PRKCA: variants seen among roughly 807,000 people sequenced by gnomAD.
PRKCA encodes protein kinase C alpha type.
Under a neutral mutation model 87.0 loss-of-function variants are expected in PRKCA, and 27 were observed. The observed-to-expected ratio is 0.31, with a 90% CI of 0.23 to 0.43. The LOEUF is 0.43. PRKCA is among the 20% of genes least tolerant of loss of function. The pLI is 1.00. For synonymous variants in PRKCA, 329 were observed against 311.1 expected, an observed-to-expected ratio of 1.06 and a Z score of -0.61; for missense variants, 518 against 852.3, an observed-to-expected ratio of 0.61 and a Z score of 4.88.
intron 2 of PRKCA, among the ~76,000 whole-genome samples, chr17:66,393,872 G>C (rs1486314703): frequency 1.3e-5 from 2 of 152,126 alleles, no homozygotes; most frequent in Non-Finnish European, 2.9e-5. Context: ...TCAGGAGTTT[G>C]AGACCAGCCT....
intron 5 of PRKCA, chr17:66,676,573 T>G (rs73997135): frequency 6.6e-6 from 1 of 152,270 alleles, no homozygotes; most frequent in Non-Finnish European, 1.5e-5. Context: ...GTGGATGTCC[T>G]ACGGTGCTCA....
intron 2 of PRKCA, among the ~76,000 whole-genome samples, chr17:66,331,357 A>G (rs1031729950): frequency 1.5e-4 from 23 of 152,106 alleles, no homozygotes; most frequent in African/African-American, 5.6e-4. Flanking sequence ...TGTGGCTACT[A>G]TGCTCTCCCA....
At chr17:66,414,519 C>A (rs960353364) in intron 2 of PRKCA, among the ~76,000 whole-genome samples, 3 of 152,156 alleles carry the variant, frequency 2.0e-5, no homozygotes, top group Non-Finnish European at 4.4e-5. Context: ...TTCCTTATAG[C>A]AATGAGAGAA....
chr17:66,767,268 C>T (rs1974832038), intron 13 of PRKCA, among the ~76,000 whole-genome samples: 1 of 152,144 alleles, frequency 6.6e-6, no homozygotes, highest in Non-Finnish European at 1.5e-5. Flanking sequence ...TTTTCTCCCT[C>T]ATCAGCATTA....
chr17:66,570,334 C>G (rs1189727317), intron 3 of PRKCA, among the ~76,000 whole-genome samples: 1 of 152,186 alleles, frequency 6.6e-6, no homozygotes, highest in Non-Finnish European at 1.5e-5. Flanking sequence ...ATCCATCAGG[C>G]TGCATATTAT....
rs185160254 is a variant in PRKCA at position 66,425,141 on chromosome 17, C to T, written c.206-71060C>T. On this transcript the variant is annotated intron_variant, in intron 2 of 16. Transcript: ENST00000413366. ...TTCAAGAAATAGTCGTTGGTCCTGT[C>T]GCTCCCAGAAGCTGCACAATTTTTG... 2.5e-4 allele frequency among the ~76,000 whole-genome samples: 38 copies of T among 152,278 alleles called. No individual in the cohort carries two copies. In the East Asian group the frequency reaches 4.8e-3, roughly 19 times the overall value.
At chr17:66,752,361 G>A (rs746005825) in intron 13 of PRKCA, among the ~76,000 whole-genome samples, 14 of 152,300 alleles carry the variant, frequency 9.2e-5, no homozygotes, top group South Asian at 4.1e-4. Context: ...TTGGGAGGCC[G>A]GGGTGGGAGG....
At chr17:66,303,165 GAC>G (rs1904607676) in intron 1 of PRKCA, 141 bp downstream of exon 1, 2 of 1,175,688 alleles carry the variant, frequency 1.7e-6, no homozygotes, top group Admixed American at 6.1e-5. Context: ...CGCCCGGAGT[GAC>G]ACGCGCGCCC....
intron 2 of PRKCA, among the ~76,000 whole-genome samples, chr17:66,419,378 T>C (rs1395141974): frequency 3.3e-5 from 5 of 152,230 alleles, no homozygotes; most frequent in African/African-American, 9.6e-5. Flanking sequence ...TCATTTAATA[T>C]AACATGTGTC....
chr17:66,418,264 T>A lies in PRKCA; in HGVS notation c.206-77937T>A, dbSNP rs148643623. Among the ~76,000 whole-genome samples, 349 of 152,308 alleles carry A rather than the reference T, an allele frequency of 2.3e-3. 1 individual carries two copies. Among genetic ancestry groups the A allele is most frequent in the Middle Eastern group, 0.01 (3 of 294 alleles). On this transcript the variant is annotated intron_variant, in intron 2 of 16. Transcript: ENST00000413366. ...CGTATGTGTATAGTAAATGTATATA[T>A]GCATATATTTTATATTGACATTCTG...
chr17:66,737,371 A>G (rs2144219992), intron 10 of PRKCA, among the ~76,000 whole-genome samples: 1 of 152,316 alleles, frequency 6.6e-6, no homozygotes, highest in African/African-American at 2.4e-5. Flanking sequence ...TTAAAAAGAA[A>G]AAAAAGAAAC....
At chr17:66,564,883 G>A (rs1489562161) in intron 3 of PRKCA, among the ~76,000 whole-genome samples, 2 of 152,130 alleles carry the variant, frequency 1.3e-5, no homozygotes, top group Non-Finnish European at 2.9e-5. Flanking sequence ...AGGAGGCTGA[G>A]GCAGGAGAAT....
chr17:66,319,299 G>A (rs573744237), intron 2 of PRKCA, among the ~76,000 whole-genome samples: 24 of 152,254 alleles, frequency 1.6e-4, no homozygotes, highest in Admixed American at 1.2e-3. Context: ...GATGTTATAT[G>A]TTTTATTTAA....
chr17:66,413,379 C>A (rs1961002232), intron 2 of PRKCA, among the ~76,000 whole-genome samples: 1 of 152,146 alleles, frequency 6.6e-6, no homozygotes, highest in Non-Finnish European at 1.5e-5. Context: ...GTGCCAGCCT[C>A]CTGGCACCTC....
At chr17:66,437,718 T>C (rs1177234644) in intron 2 of PRKCA, among the ~76,000 whole-genome samples, 3 of 107,908 alleles carry the variant, frequency 2.8e-5, no homozygotes, top group Non-Finnish European at 5.9e-5. Context: ...GTTTCAAGTT[T>C]CCTTTTTTTT....
intron 3 of PRKCA, among the ~76,000 whole-genome samples, chr17:66,535,374 A>G (rs1450225227): frequency 6.6e-6 from 1 of 152,230 alleles, no homozygotes; most frequent in Admixed American, 6.5e-5. Flanking sequence ...CTCTTACCTC[A>G]AGCCAACATA....
intron 3 of PRKCA, among the ~76,000 whole-genome samples, chr17:66,531,827 G>A (rs1967552515): frequency 6.6e-6 from 1 of 152,176 alleles, no homozygotes; most frequent in Admixed American, 6.5e-5. Context: ...TGGTGACCAG[G>A]GACTTGAAGA....
intron 5 of PRKCA, among the ~76,000 whole-genome samples, chr17:66,648,983 A>T (rs1252754722): frequency 6.6e-6 from 1 of 151,896 alleles, no homozygotes; most frequent in Non-Finnish European, 1.5e-5. Flanking sequence ...AGTCCCAGGT[A>T]CTCAGGAGGA....
intron 5 of PRKCA, among the ~76,000 whole-genome samples, chr17:66,682,534 G>T (rs1005724632): frequency 2.6e-5 from 4 of 152,236 alleles, no homozygotes; most frequent in Admixed American, 1.3e-4. Context: ...GGGCCCATTT[G>T]GGCAGACCTC....
Sources: gnomAD v4.1 joint callset for allele counts (sites outside exome capture counted in the v4.1 genomes callset) on GRCh38, gnomAD v4.1.1 for gene constraint, MANE v1.5 for transcripts, NCBI Gene and HGNC (gene_info 2026-07-23, HGNC 2026-07-21) for gene names.